ARFGEF3: variants seen among roughly 807,000 people sequenced by gnomAD.
The protein encoded by ARFGEF3 is ARFGEF family member 3.
A neutral mutation model predicts 221.7 loss-of-function variants in ARFGEF3; 96 were observed. That is an observed-to-expected ratio of 0.43 (90% confidence interval 0.37 to 0.51). ARFGEF3 has a LOEUF of 0.51. Ranked by LOEUF, ARFGEF3 falls within the 20% of genes least tolerant of loss-of-function variation. ARFGEF3 has a pLI of 0.00. For missense variants in ARFGEF3, 2,410 were observed against 2,789.9 expected, an observed-to-expected ratio of 0.86 and a Z score of 3.07; for synonymous variants, 1,145 against 1,126.8, an observed-to-expected ratio of 1.02 and a Z score of -0.32.
intron 10 of ARFGEF3, among the ~76,000 whole-genome samples, chr6:138,259,085 G>A (rs1778740317): frequency 6.6e-6 from 1 of 152,196 alleles, no homozygotes; most frequent in Non-Finnish European, 1.5e-5. Context: ...GCCCCAAGGA[G>A]CTCAGCAGAC....
chr6:138,262,050 T>C (rs1173903185), intron 11 of ARFGEF3, among the ~76,000 whole-genome samples: 1 of 152,188 alleles, frequency 6.6e-6, no homozygotes, highest in Non-Finnish European at 1.5e-5. Flanking sequence ...ATAACCATTA[T>C]AACTATTTTC....
At chr6:138,167,168 T>C (rs1340853297) in intron 1 of ARFGEF3, among the ~76,000 whole-genome samples, 1 of 152,206 alleles carries the variant, frequency 6.6e-6, no homozygotes, top group Non-Finnish European at 1.5e-5. Flanking sequence ...TCCATCTTGG[T>C]TCTTGAGCCA....
intron 2 of ARFGEF3, among the ~76,000 whole-genome samples, chr6:138,186,099 A>G (rs550790074): frequency 1.3e-5 from 2 of 152,348 alleles, no homozygotes; most frequent in South Asian, 2.1e-4. Flanking sequence ...TATTTGTTGA[A>G]TATCTGTCGT....
At chr6:138,306,039 T>G (rs1338375281) in intron 22 of ARFGEF3, among the ~76,000 whole-genome samples, 1 of 152,134 alleles carries the variant, frequency 6.6e-6, no homozygotes, top group Non-Finnish European at 1.5e-5. Flanking sequence ...AAACGAAAAG[T>G]AAAGCTGTTT....
chr6:138,290,965 G>A (rs1191918878), intron 18 of ARFGEF3, among the ~76,000 whole-genome samples: 1 of 152,190 alleles, frequency 6.6e-6, no homozygotes, highest in Non-Finnish European at 1.5e-5. Context: ...GGCTCTCCTG[G>A]TACACAAGCA....
chr6:138,211,152 G>A (rs1191298376), intron 4 of ARFGEF3, among the ~76,000 whole-genome samples: 1 of 152,172 alleles, frequency 6.6e-6, no homozygotes, highest in Non-Finnish European at 1.5e-5. Context: ...ATTAAATAAG[G>A]TGACATTTGT....
chr6:138,248,449 A>G (rs1778524855), intron 8 of ARFGEF3, among the ~76,000 whole-genome samples: 1 of 152,228 alleles, frequency 6.6e-6, no homozygotes, highest in Non-Finnish European at 1.5e-5. Context: ...ACTACAAAAA[A>G]TATAAAGACT....
intron 1 of ARFGEF3, among the ~76,000 whole-genome samples, chr6:138,169,695 T>G (rs1776789911): frequency 6.6e-6 from 1 of 151,956 alleles, no homozygotes; most frequent in Non-Finnish European, 1.5e-5. Context: ...CCATTGGCCT[T>G]GTCTTCACAG....
chr6:138,201,535 T>C (rs1303335971), intron 2 of ARFGEF3, among the ~76,000 whole-genome samples: 1 of 152,186 alleles, frequency 6.6e-6, no homozygotes, highest in Non-Finnish European at 1.5e-5. Context: ...TGGATAAGAT[T>C]GGAGACTATT....
At chr6:138,323,592 C>T (rs1780073369) in intron 29 of ARFGEF3, 79 bp from the exon 30 acceptor site, 2 of 1,363,358 alleles carry the variant, frequency 1.5e-6, no homozygotes, top group Non-Finnish European at 2.1e-6. Flanking sequence ...GGCTGGGCAA[C>T]AAGAGCAAAA....
At chr6:138,223,714 T>C (rs1389050956) in intron 4 of ARFGEF3, among the ~76,000 whole-genome samples, 1 of 152,188 alleles carries the variant, frequency 6.6e-6, no homozygotes, top group East Asian at 1.9e-4. Flanking sequence ...CCTTTTCTTT[T>C]CCCCTAGGTT....
At chr6:138,195,850 G>A (rs2114475959) in intron 2 of ARFGEF3, among the ~76,000 whole-genome samples, 1 of 152,270 alleles carries the variant, frequency 6.6e-6, no homozygotes, top group African/African-American at 2.4e-5. Flanking sequence ...AGAAGTGGCT[G>A]TGTGAGGAAT....
At chr6:138,264,310 A>G (rs908079494) in intron 12 of ARFGEF3, among the ~76,000 whole-genome samples, 12 of 152,232 alleles carry the variant, frequency 7.9e-5, no homozygotes, top group African/African-American at 2.9e-4. Flanking sequence ...TTCACATAGT[A>G]AATAATTATT....
chr6:138,233,901 C>T (rs540053165), intron 5 of ARFGEF3, among the ~76,000 whole-genome samples: 13 of 152,248 alleles, frequency 8.5e-5, no homozygotes, highest in South Asian at 2.1e-4. Context: ...AGCAGGACCA[C>T]GGCCTCAAAC....
At chr6:138,274,693 G>C (rs1779064070) in intron 12 of ARFGEF3, among the ~76,000 whole-genome samples, 1 of 151,706 alleles carries the variant, frequency 6.6e-6, no homozygotes, top group African/African-American at 2.4e-5. Context: ...TACTCGGGAG[G>C]CTGAGGCAGG....
chr6:138,235,864 AG>A (rs1186805535), intron 5 of ARFGEF3, among the ~76,000 whole-genome samples: 1 of 152,202 alleles, frequency 6.6e-6, no homozygotes, highest in African/African-American at 2.4e-5. Flanking sequence ...TCCCAACTTC[AG>A]CCAAATGGGC....
chr6:138,320,893 A>C (rs986875780), intron 28 of ARFGEF3, among the ~76,000 whole-genome samples: 1 of 152,042 alleles, frequency 6.6e-6, no homozygotes, highest in Non-Finnish European at 1.5e-5. Flanking sequence ...TGGATGAAAC[A>C]TGCTGAAATT....
chr6:138,277,714 A>G (rs1779123589), intron 12 of ARFGEF3, among the ~76,000 whole-genome samples: 1 of 152,234 alleles, frequency 6.6e-6, no homozygotes, highest in South Asian at 2.1e-4. Context: ...AACAAAATGA[A>G]TGAAATGTCA....
intron 21 of ARFGEF3, among the ~76,000 whole-genome samples, chr6:138,297,654 A>G (rs1779545595): frequency 6.6e-6 from 1 of 152,248 alleles, no homozygotes; most frequent in Admixed American, 6.5e-5. Context: ...CAAAATGGGT[A>G]GAAAATAGCA....
Sources: allele counts gnomAD v4.1 joint callset (sites outside exome capture counted in the v4.1 genomes callset), GRCh38; gene constraint gnomAD v4.1.1; transcripts MANE v1.5; gene names NCBI Gene and HGNC (gene_info 2026-07-23, HGNC 2026-07-21).